Variants in PRPF18 observed in about 807,000 individuals in gnomAD.
PRPF18 encodes the protein pre-mRNA processing factor 18, also known as pre-mRNA-splicing factor 18.
In PRPF18, 38 loss-of-function variants were observed where a neutral mutation model predicts 46.5. The observed-to-expected ratio is 0.82, with a 90% confidence interval of 0.63 to 1.07. PRPF18 has a LOEUF of 1.07. Among genes scored for constraint, PRPF18 ranks in the 50% least tolerant of loss-of-function variants. The pLI, the probability that PRPF18 is intolerant of heterozygous loss-of-function variation, is 0.00. For missense variants in PRPF18, 263 were observed against 410.0 expected (o/e 0.64, Z 3.10); for synonymous variants, 152 against 146.7 (o/e 1.04, Z -0.26).
At chr10:13,596,029 A>G (rs139704334) in intron 1 of PRPF18, among the ~76,000 whole-genome samples, 2 of 152,222 alleles carry the variant, frequency 1.3e-5, no homozygotes, top group Non-Finnish European at 2.9e-5. Context: ...CAACTGAATT[A>G]AAATATGTAC....
At chr10:13,617,808 A>G (rs1338923108) in intron 9 of PRPF18, among the ~76,000 whole-genome samples, 2 of 152,068 alleles carry the variant, frequency 1.3e-5, no homozygotes, top group Admixed American at 1.3e-4. Flanking sequence ...TCCTTACTCC[A>G]TTGTTCTTCC....
chr10:13,633,084 A>G (rs1343326119), downstream of PRPF18, among the ~76,000 whole-genome samples: 4 of 152,188 alleles, frequency 2.6e-5, no homozygotes, highest in Non-Finnish European at 4.4e-5. Flanking sequence ...AACAATCTGG[A>G]GGTTGTGGCT....
At chr10:13,644,340 T>C in the PRPF18 span, 1 of 152,220 alleles carries the variant, frequency 6.6e-6, no homozygotes. Flanking sequence ...TTGTGTACAA[T>C]AACTACATCA....
At chr10:13,636,125 G>A in the PRPF18 span, among the ~76,000 whole-genome samples, 1 of 152,192 alleles carries the variant, frequency 6.6e-6, no homozygotes, top group Middle Eastern at 3.2e-3. Flanking sequence ...GTCAGTTAAA[G>A]TACGAGATAG....
At chr10:13,597,749 G>A (rs2080056097) in intron 2 of PRPF18, 1 of 1,317,834 alleles carries the variant, frequency 7.6e-7, no homozygotes, top group African/African-American at 1.5e-5. Context: ...GCTTGGAATG[G>A]TTTGGCTTTT....
chr10:13,595,618 T>G (rs531758405), intron 1 of PRPF18, among the ~76,000 whole-genome samples: 1 of 152,314 alleles, frequency 6.6e-6, no homozygotes, highest in African/African-American at 2.4e-5. Flanking sequence ...GAATGTCACC[T>G]AACCTAATTC....
At chr10:13,621,732 A>G (rs1487949395) in intron 9 of PRPF18, among the ~76,000 whole-genome samples, 2 of 152,196 alleles carry the variant, frequency 1.3e-5, no homozygotes, top group Non-Finnish European at 2.9e-5. Flanking sequence ...AGGAATAATA[A>G]TCTTCTAATG....
At chr10:13,608,182 C>T (rs1296843450) in intron 4 of PRPF18, among the ~76,000 whole-genome samples, 1 of 152,170 alleles carries the variant, frequency 6.6e-6, no homozygotes, top group Non-Finnish European at 1.5e-5. Context: ...TTAATAATTA[C>T]CAGTTCTGTG....
chr10:13,587,221 A>C, intron 1 of PRPF18, 69 bp downstream of exon 1: 1 of 1,497,710 alleles, frequency 6.7e-7, no homozygotes, highest in East Asian at 2.3e-5. Flanking sequence ...TTTTGGGGTG[A>C]GGGTGACGAT....
chr10:13,651,856 G>T, the PRPF18 span: 3 of 904,630 alleles, frequency 3.3e-6, no homozygotes, highest in Non-Finnish European at 5.6e-6. Flanking sequence ...AACACATGTG[G>T]GACCACAGAC....
chr10:13,598,371 G>A (rs1589120769), intron 2 of PRPF18, among the ~76,000 whole-genome samples: 1 of 152,106 alleles, frequency 6.6e-6, no homozygotes, highest in African/African-American at 2.4e-5. Flanking sequence ...CCTTTTGCTT[G>A]TAAAATATCA....
At chr10:13,646,417 C>G in the PRPF18 span, 1 of 152,552 alleles carries the variant, frequency 6.6e-6, no homozygotes, top group African/African-American at 2.4e-5. Context: ...CTCCCCTTCC[C>G]CCATAGCCAT....
the PRPF18 span, chr10:13,648,840 A>G: frequency 6.6e-6 from 1 of 152,252 alleles, no homozygotes; most frequent in African/African-American, 2.4e-5. Context: ...TGTTTGGGAT[A>G]AAACTTCCCT....
At chr10:13,595,061 T>C (rs2080014245) in intron 1 of PRPF18, among the ~76,000 whole-genome samples, 1 of 152,246 alleles carries the variant, frequency 6.6e-6, no homozygotes, top group African/African-American at 2.4e-5. Flanking sequence ...TATTTTTTTG[T>C]AAGTGCATGT....
At chr10:13,590,554 G>A (rs974517995) in intron 1 of PRPF18, among the ~76,000 whole-genome samples, 5 of 150,922 alleles carry the variant, frequency 3.3e-5, no homozygotes, top group African/African-American at 1.2e-4. Context: ...CCGGGAGGCG[G>A]GGCTTGCAGT....
chr10:13,591,484 TC>T, intron 1 of PRPF18: 1 of 651,142 alleles, frequency 1.5e-6, no homozygotes, highest in South Asian at 1.8e-5. Context: ...GAGGATAAAT[TC>T]CATGAGTCGG....
At chr10:13,604,884 A>C (rs892226119) in intron 3 of PRPF18, among the ~76,000 whole-genome samples, 2 of 152,232 alleles carry the variant, frequency 1.3e-5, no homozygotes, top group African/African-American at 4.8e-5. Flanking sequence ...TTTTAAAAGA[A>C]GACTAAGAAC....
intron 1 of PRPF18, among the ~76,000 whole-genome samples, chr10:13,589,844 G>C (rs1185098556): frequency 6.6e-6 from 1 of 152,144 alleles, no homozygotes; most frequent in Non-Finnish European, 1.5e-5. Flanking sequence ...GGAGGTAATA[G>C]AATGCTGTTT....
the PRPF18 span, chr10:13,637,894 G>A: frequency 1.3e-5 from 2 of 152,272 alleles, no homozygotes; most frequent in South Asian, 4.1e-4. Context: ...GGCTGTTTTT[G>A]TTTTGCTTCT....
Sources: gnomAD v4.1 joint callset for allele counts (sites outside exome capture counted in the v4.1 genomes callset) on GRCh38, gnomAD v4.1.1 for gene constraint, MANE v1.5 for transcripts, NCBI Gene and HGNC (gene_info 2026-07-23, HGNC 2026-07-21) for gene names.